Variants in IFFO2 observed in about 807,000 individuals in gnomAD.
IFFO2 encodes intermediate filament family orphan 2.
Under a neutral mutation model 53.5 loss-of-function variants are expected in IFFO2, and 19 were observed. That is an observed-to-expected ratio of 0.36 (90% confidence interval 0.25 to 0.52). The LOEUF (loss-of-function observed/expected upper bound fraction) is 0.52, where lower values mean the gene tolerates loss of function less well. Ranked by LOEUF, IFFO2 falls within the 20% of genes least tolerant of loss-of-function variation. The pLI is 0.94. For missense variants in IFFO2, 570 were observed against 727.4 expected, an observed-to-expected ratio of 0.78 and a Z score of 2.49; for synonymous variants, 303 against 313.6, an observed-to-expected ratio of 0.97 and a Z score of 0.36.
Position 18,908,372 on chromosome 1 carries a change from C to T in IFFO2, c.*189G>A, listed in dbSNP as rs577988936. 3.0e-5 allele frequency: 17 copies of T among 573,668 alleles called. 1 individual carries two copies. Among genetic ancestry groups the T allele is most frequent in the Non-Finnish European group, 5.0e-5 (16 of 318,960 alleles). The allele number at this position is 573,668 out of a possible 1,614,324, so 35.5% of individuals were successfully genotyped here. On this transcript the variant is annotated 3_prime_UTR_variant, in exon 9 of 9. Transcript: ENST00000455833. ...TCCTTGGGTGGGTGGGGGATGGAGA[C>T]GGGGCACCCGTTGGTGGTGTGGAAG...
In IFFO2 at chr1:18,906,314, C is replaced by T. The variant is rs1935947288; in HGVS notation, c.*2247G>A. On this transcript the variant is annotated 3_prime_UTR_variant, in exon 9 of 9. Transcript: ENST00000455833. Reference sequence around the variant, plus strand: ...AAGGAGGAAAGTAAAAATAATACCGCCGGACACCGATAACCACAGTAACCT... The same window carrying T: ...AAGGAGGAAAGTAAAAATAATACCGTCGGACACCGATAACCACAGTAACCT... 1 of 152,180 alleles carries T rather than the reference C, an allele frequency of 6.6e-6. No homozygotes were observed. Among genetic ancestry groups the T allele is most frequent in the African/African-American group, 2.4e-5 (1 of 41,430 alleles). 9.4% of individuals were successfully genotyped at this position (152,180 alleles called of 1,614,324 possible).
At chr1:18,911,502 GT>G in intron 6 of IFFO2, 26 bp from the exon 7 acceptor site, 1 of 855,188 alleles carries the variant, frequency 1.2e-6, no homozygotes, top group South Asian at 2.6e-5. Context: ...AAACGGGACA[GT>G]TTATTTTATT....
chr1:18,918,325 TG>T lies in IFFO2; in HGVS notation c.963+36del, dbSNP rs1215003829. ...GGAGGCCAGGGCTGCTCTGGGAGAG[TG>T]GGGGGTTGGCTGGTGAGCAGGGCAG... On this transcript the variant is annotated intron_variant, in intron 4 of 8. Transcript: ENST00000455833. The surrounding 1 kb of genome is among the most constrained non-coding windows in gnomAD (Gnocchi z 5.2). 1.3e-6 allele frequency: 2 copies of T among 1,525,514 alleles called. No homozygotes were observed. Among genetic ancestry groups the T allele is most frequent in the East Asian group, 2.5e-5 (1 of 39,792 alleles). The allele number at this position is 1,525,514 out of a possible 1,614,324, so 94.5% of individuals were successfully genotyped here.
Position 18,917,088 on chromosome 1 carries a change from G to A in IFFO2, c.964-46C>T. On this transcript the variant is annotated intron_variant, in intron 4 of 8. Transcript: ENST00000455833. This position sits in a 1 kb window ranked among gnomAD's most constrained non-coding sequence, Gnocchi z 5.9. ...TCAAGGTAACTGGGGGGCTCGGCTA[G>A]GATGGAAGGTAGGGGTGAACTGGGA... The A allele has an allele frequency of 6.5e-7, 1 of 1,547,482 alleles. No individual in the cohort carries two copies. The highest frequency in any genetic ancestry group is 8.7e-7 in the Non-Finnish European group (1 of 1,144,532).
chr1:18,945,353 C>A (rs1936573317), intron 1 of IFFO2, among the ~76,000 whole-genome samples: 1 of 152,114 alleles, frequency 6.6e-6, no homozygotes, highest in Non-Finnish European at 1.5e-5. Flanking sequence ...GGGCCAGGAG[C>A]AAAACGGGGG....
intron 1 of IFFO2, among the ~76,000 whole-genome samples, chr1:18,924,853 G>A (rs1000081390): frequency 3.9e-5 from 6 of 152,194 alleles, no homozygotes; most frequent in African/African-American, 9.6e-5. Flanking sequence ...AAAATGAGGT[G>A]ACAAACACAT....
At position 18,917,481 on chromosome 1, in the gene IFFO2, A is replaced by C. The variant is rs1442951708; in HGVS notation, c.964-439T>G. Among the ~76,000 whole-genome samples the C allele has an allele frequency of 6.6e-6, 1 of 152,138 alleles. No individual in the cohort carries two copies. Among genetic ancestry groups the C allele is most frequent in the Admixed American group, 6.5e-5 (1 of 15,284 alleles). On this transcript the variant is annotated intron_variant, in intron 4 of 8. Coordinates refer to ENST00000455833, the MANE Select transcript of IFFO2 (RefSeq NM_001136265.2). This position sits in a 1 kb window ranked among gnomAD's most constrained non-coding sequence, Gnocchi z 5.9. ...GCAAAGGCAAAGGACAGACGGCCCA[A>C]GGTTCACCGAAAGCTTCCACTCCAA...
chr1:18,933,926 T>A (rs1243908892), intron 1 of IFFO2, among the ~76,000 whole-genome samples: 1 of 151,982 alleles, frequency 6.6e-6, no homozygotes, highest in Non-Finnish European at 1.5e-5. Context: ...TAGTACCCCG[T>A]ACCCCTCTCC....
At chr1:18,931,621 A>G (rs1936376148) in intron 1 of IFFO2, among the ~76,000 whole-genome samples, 1 of 152,148 alleles carries the variant, frequency 6.6e-6, no homozygotes, top group African/African-American at 2.4e-5. Flanking sequence ...AAGAATTTGC[A>G]TTTATTGTAA....
chr1:18,913,538 C>T (rs1302259732), intron 5 of IFFO2, among the ~76,000 whole-genome samples: 4 of 152,180 alleles, frequency 2.6e-5, no homozygotes, highest in South Asian at 4.1e-4. Context: ...TTGGCCCCAG[C>T]GGGGGAGACC....
In IFFO2 at chr1:18,906,753, G is replaced by C. The variant is rs1025922453; in HGVS notation, c.*1808C>G. The stretch of plus-strand genomic sequence containing the variant: ...TCAAAGGGAACTGTTTGGCTAACAA[G>C]AGATGCTGACTATGGAAGTGTCACA... On this transcript the variant is annotated 3_prime_UTR_variant, in exon 9 of 9. Transcript: ENST00000455833. The C allele has an allele frequency of 6.6e-6, 1 of 152,202 alleles. No individual in the cohort carries two copies. Among genetic ancestry groups the C allele is most frequent in the Admixed American group, 6.5e-5 (1 of 15,280 alleles). 9.4% of individuals were successfully genotyped at this position (152,202 alleles called of 1,614,324 possible).
At chr1:18,927,935 C>T (rs578171394) in intron 1 of IFFO2, among the ~76,000 whole-genome samples, 119 of 152,182 alleles carry the variant, frequency 7.8e-4, no homozygotes, top group Non-Finnish European at 1.4e-3. Flanking sequence ...ACAGACAATT[C>T]ATATTTAAGG....
intron 1 of IFFO2, among the ~76,000 whole-genome samples, chr1:18,948,757 C>T (rs1936621925): frequency 6.6e-6 from 1 of 152,252 alleles, no homozygotes; most frequent in Admixed American, 6.5e-5. Flanking sequence ...GACACCCTCT[C>T]CCAGTTTCCA....
At chr1:18,909,122 C>T (rs1422476726) in intron 8 of IFFO2, among the ~76,000 whole-genome samples, 2 of 151,982 alleles carry the variant, frequency 1.3e-5, no homozygotes, top group Non-Finnish European at 2.9e-5. Context: ...GTCTGCTCTT[C>T]TGTCTGGATA....
intron 1 of IFFO2, among the ~76,000 whole-genome samples, chr1:18,929,673 G>GACT: frequency 6.6e-6 from 1 of 152,008 alleles, no homozygotes; most frequent in Non-Finnish European, 1.5e-5. Context: ...GAGGTGAGAG[G>GACT]TGAGTGGGAA....
At chr1:18,908,807 A>G in intron 8 of IFFO2, 141 bp from the exon 9 acceptor site, 2 of 644,294 alleles carry the variant, frequency 3.1e-6, no homozygotes, top group Non-Finnish European at 5.6e-6. Context: ...TCACTCAGCT[A>G]TCCTTAAGAT....
intron 1 of IFFO2, among the ~76,000 whole-genome samples, chr1:18,932,092 C>T (rs1332355003): frequency 6.6e-6 from 1 of 152,202 alleles, no homozygotes; most frequent in African/African-American, 2.4e-5. Context: ...CTGGACGGAA[C>T]AAGGCTCAAA....
intron 1 of IFFO2, among the ~76,000 whole-genome samples, chr1:18,926,024 GA>G (rs1936288102): frequency 1.4e-5 from 2 of 145,432 alleles, no homozygotes; most frequent in African/African-American, 2.6e-5. Context: ...TGGATGGATG[GA>G]TGGATGGATG....
At chr1:18,948,882 C>T (rs1455361001) in intron 1 of IFFO2, among the ~76,000 whole-genome samples, 2 of 152,222 alleles carry the variant, frequency 1.3e-5, no homozygotes, top group African/African-American at 4.8e-5. Flanking sequence ...ACGCCCTGTG[C>T]TGTAGCTAGG....
Sources: allele counts gnomAD v4.1 joint callset (sites outside exome capture counted in the v4.1 genomes callset), GRCh38; gene constraint gnomAD v4.1.1; non-coding constraint Gnocchi (gnomAD v3.1); transcripts MANE v1.5; gene names NCBI Gene and HGNC (gene_info 2026-07-23, HGNC 2026-07-21).